The following CTDSPL2 variants were observed in gnomAD, a reference collection of about 807,000 sequenced individuals.
CTDSPL2 encodes CTD small phosphatase like 2.
In CTDSPL2, 5 loss-of-function variants were observed where a neutral mutation model predicts 60.0. That is an observed-to-expected ratio of 0.08 (90% confidence interval 0.04 to 0.18). CTDSPL2 has a LOEUF of 0.18. CTDSPL2 is among the 10% of genes least tolerant of loss of function. The probability of loss-of-function intolerance (pLI) is 1.00; values close to 1 mark genes in which losing one functional copy is unlikely to be tolerated. For synonymous variants in CTDSPL2, 186 were observed against 189.3 expected (o/e 0.98, Z 0.14); for missense variants, 370 against 548.8 (o/e 0.67, Z 3.26).
chr15:44,472,865 G>A (rs549981229), intron 2 of CTDSPL2, among the ~76,000 whole-genome samples: 7 of 152,276 alleles, frequency 4.6e-5, no homozygotes, highest in South Asian at 2.1e-4. Context: ...GGGTTTCACC[G>A]GCCCAGGCCG....
intron 2 of CTDSPL2, among the ~76,000 whole-genome samples, chr15:44,462,061 C>T (rs1357891273): frequency 6.6e-6 from 1 of 152,288 alleles, no homozygotes. Flanking sequence ...CCCACTTCAG[C>T]GTCCCAAGTA....
rs758885166 is a variant in CTDSPL2 at position 44,459,203 on chromosome 15, A to T, written c.186+3A>T. The stretch of plus-strand genomic sequence containing the variant: ...TTATTAAAGGAAGCACACCTAAGGT[A>T]ATGATTTTACCATATACTTTCATAT... On this transcript the variant is annotated splice_donor_region_variant and intron_variant, in intron 2 of 12. Transcript: ENST00000260327. 12 of 1,595,880 alleles carry T rather than the reference A, an allele frequency of 7.5e-6. No homozygotes were observed. The highest frequency in any genetic ancestry group is 1.0e-5 in the Non-Finnish European group (12 of 1,171,294).
chr15:44,519,117 C>G, intron 10 of CTDSPL2, 52 bp from the exon 11 acceptor site: 4 of 1,278,110 alleles, frequency 3.1e-6, no homozygotes, highest in Non-Finnish European at 3.1e-6. Context: ...TGTATATGTT[C>G]TACTTTTTAG....
intron 2 of CTDSPL2, among the ~76,000 whole-genome samples, chr15:44,463,651 T>C (rs929385346): frequency 6.6e-6 from 1 of 152,232 alleles, no homozygotes; most frequent in Non-Finnish European, 1.5e-5. Flanking sequence ...AATAATGTGG[T>C]TAATTTGTCA....
At position 44,528,509 on chromosome 15, in the gene CTDSPL2, T is replaced by C. The variant is rs2081904096; in HGVS notation, c.*4335T>C. On this transcript the variant is annotated 3_prime_UTR_variant, in exon 13 of 13. Coordinates refer to ENST00000260327, the MANE Select transcript of CTDSPL2 (RefSeq NM_016396.3). ...CACCAGACATCTCTTTGTGGTAGAG[T>C]TTTTTTTTTTTTAAACTGGGACCAG... 7.4e-6 allele frequency: 1 copy of C among 134,640 alleles called. No individual in the cohort carries two copies. The highest frequency in any genetic ancestry group is 1.6e-5 in the Non-Finnish European group (1 of 61,516). 8.3% of individuals were successfully genotyped at this position (134,640 alleles called of 1,614,324 possible). A position where few individuals can be genotyped will look rare whatever the true frequency, so the allele number is the denominator to read the frequency against.
In CTDSPL2 at chr15:44,429,605, C is replaced by T. The variant is rs867342965; in HGVS notation, c.-25+1833C>T. ...TAAGCTGGCTGGGTGGGGTGGCTCA[C>T]GCCTGTAATCCCAGCACTTTGGGAG... On this transcript the variant is annotated intron_variant, in intron 1 of 12. Coordinates refer to ENST00000260327, the MANE Select transcript of CTDSPL2 (RefSeq NM_016396.3). Among the ~76,000 whole-genome samples the T allele has an allele frequency of 5.6e-4, 85 of 152,286 alleles. 1 individual carries two copies. The highest frequency in any genetic ancestry group is 1.9e-3 in the African/African-American group (78 of 41,566).
At chr15:44,493,826 C>G (rs912844241) in intron 5 of CTDSPL2, among the ~76,000 whole-genome samples, 1 of 151,942 alleles carries the variant, frequency 6.6e-6, no homozygotes, top group African/African-American at 2.4e-5. Context: ...TAAAAATATT[C>G]TTTCATCTGA....
chr15:44,500,746 T>G (rs981675663), intron 8 of CTDSPL2, among the ~76,000 whole-genome samples: 1 of 152,184 alleles, frequency 6.6e-6, no homozygotes, highest in Non-Finnish European at 1.5e-5. Context: ...AACCGTGAAA[T>G]TTAAGAGTTA....
intron 10 of CTDSPL2, chr15:44,517,507 A>AT (rs949475496): frequency 6.6e-6 from 1 of 152,110 alleles, no homozygotes; most frequent in Non-Finnish European, 1.5e-5. Context: ...AAAAAAAGAA[A>AT]TTCCTGTGAT....
At chr15:44,514,925 T>C (rs1439953054) in intron 10 of CTDSPL2, 81 bp downstream of exon 10, 10 of 848,710 alleles carry the variant, frequency 1.2e-5, no homozygotes, top group African/African-American at 1.7e-5. Context: ...TTAATGGCCA[T>C]TTTCAGTTGG....
At chr15:44,452,940 C>T (rs1006201722) in intron 1 of CTDSPL2, among the ~76,000 whole-genome samples, 1 of 151,928 alleles carries the variant, frequency 6.6e-6, no homozygotes. Context: ...GTGATATGTG[C>T]GTTTTGTGAA....
chr15:44,455,735 G>A lies in CTDSPL2; in HGVS notation c.-24-3256G>A, dbSNP rs184844480. 4.7e-3 allele frequency among the ~76,000 whole-genome samples: 711 copies of A among 151,604 alleles called. 2 individuals are homozygous for A. Among genetic ancestry groups the A allele is most frequent in the Non-Finnish European group, 7.1e-3 (482 of 67,990 alleles). On this transcript the variant is annotated intron_variant, in intron 1 of 12. Coordinates refer to ENST00000260327, the MANE Select transcript of CTDSPL2 (RefSeq NM_016396.3). The stretch of plus-strand genomic sequence containing the variant: ...TGCTGGATTACATTTATTGATTTGC[G>A]TATGTTGAACCAGCCTTGCATCCCA...
chr15:44,485,870 A>T (rs2081109974), intron 3 of CTDSPL2, among the ~76,000 whole-genome samples: 1 of 152,210 alleles, frequency 6.6e-6, no homozygotes, highest in Non-Finnish European at 1.5e-5. Flanking sequence ...AGTTAAAAGA[A>T]CCATAGCAAA....
chr15:44,442,549 T>C (rs1230077285), intron 1 of CTDSPL2, among the ~76,000 whole-genome samples: 1 of 152,130 alleles, frequency 6.6e-6, no homozygotes, highest in South Asian at 2.1e-4. Flanking sequence ...GTCTACAGGT[T>C]ATTTTGTCAT....
intron 2 of CTDSPL2, among the ~76,000 whole-genome samples, chr15:44,479,878 A>G (rs1440915188): frequency 6.6e-6 from 1 of 152,032 alleles, no homozygotes; most frequent in Non-Finnish European, 1.5e-5. Flanking sequence ...GCTCATTTTT[A>G]TGTGAAATTA....
intron 1 of CTDSPL2, chr15:44,448,640 A>C: frequency 3.2e-6 from 1 of 315,184 alleles, no homozygotes; most frequent in Non-Finnish European, 6.3e-6. Flanking sequence ...TCCCTCCTCC[A>C]TTTCTCCCAT....
At chr15:44,472,495 G>A (rs994312921) in intron 2 of CTDSPL2, among the ~76,000 whole-genome samples, 1 of 150,548 alleles carries the variant, frequency 6.6e-6, no homozygotes, top group African/African-American at 2.4e-5. Context: ...TTAGAGAAAT[G>A]TCTGGTATTT....
At chr15:44,439,040 GT>G (rs1240771957) in intron 1 of CTDSPL2, among the ~76,000 whole-genome samples, 1 of 151,796 alleles carries the variant, frequency 6.6e-6, no homozygotes, top group Non-Finnish European at 1.5e-5. Flanking sequence ...TTATTGCTAT[GT>G]TTGTTTTGTG....
At chr15:44,487,479 A>G (rs906971138) in intron 4 of CTDSPL2, among the ~76,000 whole-genome samples, 10 of 152,262 alleles carry the variant, frequency 6.6e-5, no homozygotes, top group African/African-American at 2.4e-4. Context: ...AAAAAAAAAT[A>G]AAAAGAATGG....
Sources: gnomAD v4.1 joint callset for allele counts (sites outside exome capture counted in the v4.1 genomes callset) on GRCh38, gnomAD v4.1.1 for gene constraint, MANE v1.5 for transcripts, NCBI Gene and HGNC (gene_info 2026-07-23, HGNC 2026-07-21) for gene names.